ZNF644: variants seen among roughly 807,000 people sequenced by gnomAD.
ZNF644 encodes zinc finger motif enhancer binding protein 2.
Under a neutral mutation model 108.0 loss-of-function variants are expected in ZNF644, and 20 were observed. That is an observed-to-expected ratio of 0.19 (90% confidence interval 0.13 to 0.27). The LOEUF is 0.27. Ranked by LOEUF, ZNF644 falls within the 10% of genes least tolerant of loss-of-function variation. The pLI, the probability that ZNF644 is intolerant of heterozygous loss-of-function variation, is 1.00. For synonymous variants in ZNF644, 542 were observed against 539.1 expected (o/e 1.01, Z -0.08); for missense variants, 1,338 against 1,548.9 (o/e 0.86, Z 2.29).
chr1:90,918,481 C>A, intron 4 of ZNF644: 1 of 228,090 alleles, frequency 4.4e-6, no homozygotes, highest in Non-Finnish European at 8.8e-6. Context: ...TCAATTATTA[C>A]AATAATGGTA....
chr1:91,014,028 T>C (rs1157076415), intron 1 of ZNF644, among the ~76,000 whole-genome samples: 4 of 152,174 alleles, frequency 2.6e-5, no homozygotes, highest in Admixed American at 6.5e-5. Context: ...TATTTATAAA[T>C]GCCCACAAAT....
intron 1 of ZNF644, among the ~76,000 whole-genome samples, chr1:91,014,347 A>G (rs1226648014): frequency 2.0e-5 from 3 of 152,186 alleles, no homozygotes; most frequent in African/African-American, 7.2e-5. Context: ...TAAATATTAT[A>G]TTAGGAATTA....
At chr1:90,998,132 C>T (rs977565661) in intron 1 of ZNF644, among the ~76,000 whole-genome samples, 103 of 152,234 alleles carry the variant, frequency 6.8e-4, no homozygotes, top group Non-Finnish European at 2.1e-4. Flanking sequence ...AGGGCACAGC[C>T]GAACAAAAGG....
intron 1 of ZNF644, among the ~76,000 whole-genome samples, chr1:91,005,571 TAGAG>T (rs1220816688): frequency 1.3e-5 from 2 of 152,080 alleles, no homozygotes; most frequent in African/African-American, 4.8e-5. Flanking sequence ...ATAAAAATCA[TAGAG>T]AGTACGTTCT....
chr1:90,933,146 T>G (rs1650927046), intron 4 of ZNF644, among the ~76,000 whole-genome samples: 4 of 152,192 alleles, frequency 2.6e-5, no homozygotes, highest in Admixed American at 2.6e-4. Context: ...TCCTGTGTTT[T>G]GCAGAATTTT....
intron 2 of ZNF644, chr1:90,973,023 T>C (rs922230949): frequency 1.3e-5 from 2 of 152,102 alleles, no homozygotes; most frequent in Admixed American, 1.3e-4. Flanking sequence ...TGAAGATGGA[T>C]GGTGGTGATG....
At chr1:90,929,282 T>C (rs1251597526) in intron 4 of ZNF644, among the ~76,000 whole-genome samples, 1 of 152,248 alleles carries the variant, frequency 6.6e-6, no homozygotes, top group Non-Finnish European at 1.5e-5. Context: ...CATTTAGTTG[T>C]ATACTATCTT....
intron 4 of ZNF644, among the ~76,000 whole-genome samples, chr1:90,921,868 G>A (rs569028693): frequency 1.9e-4 from 29 of 151,922 alleles, no homozygotes; most frequent in Admixed American, 1.8e-3. Context: ...TGAATACGAC[G>A]ACCAATGACC....
intron 4 of ZNF644, among the ~76,000 whole-genome samples, chr1:90,928,425 C>T (rs1650330863): frequency 6.6e-6 from 1 of 151,336 alleles, no homozygotes; most frequent in African/African-American, 2.4e-5. Context: ...TCATGCAATC[C>T]TCCTGCCTCA....
chr1:90,966,924 C>T (rs537450255), intron 2 of ZNF644, among the ~76,000 whole-genome samples: 19 of 151,966 alleles, frequency 1.3e-4, no homozygotes, highest in Non-Finnish European at 2.5e-4. Flanking sequence ...TTATCATAAG[C>T]AGAAAGAGTT....
rs1656450757 is a variant in ZNF644, at chr1:90,980,627, AT to A, written c.44+1682del. Among the ~76,000 whole-genome samples the A allele has an allele frequency of 2.0e-5, 3 of 152,254 alleles. No homozygotes were observed. The South Asian group carries it at 6.2e-4, about 32-fold the overall frequency. On this transcript the variant is annotated intron_variant, in intron 2 of 5. Transcript: ENST00000337393. Reference sequence around the variant, plus strand: ...TTCATACAATGGAATATTACTAAAAATAAAACAGCAATAAAAAATAATGAAC... The same window carrying A: ...TTCATACAATGGAATATTACTAAAAAAAAACAGCAATAAAAAATAATGAAC...
chr1:90,943,256 A>G (rs1406161535), intron 2 of ZNF644, among the ~76,000 whole-genome samples: 1 of 152,050 alleles, frequency 6.6e-6, no homozygotes, highest in Non-Finnish European at 1.5e-5. Flanking sequence ...CCTGGCTAAC[A>G]TGGTGATACC....
chr1:90,962,504 T>C (rs1017728099), intron 2 of ZNF644, among the ~76,000 whole-genome samples: 1 of 152,048 alleles, frequency 6.6e-6, no homozygotes, highest in African/African-American at 2.4e-5. Context: ...CAGTTCTAGA[T>C]AGAAGGTAGA....
At chr1:90,995,968 G>A (rs1238330564) in intron 1 of ZNF644, among the ~76,000 whole-genome samples, 1 of 152,150 alleles carries the variant, frequency 6.6e-6, no homozygotes, top group East Asian at 1.9e-4. Context: ...TCTGTTGTTT[G>A]TAAGCCACCC....
At chr1:90,951,464 A>G (rs1357911805) in intron 2 of ZNF644, among the ~76,000 whole-genome samples, 1 of 152,040 alleles carries the variant, frequency 6.6e-6, no homozygotes, top group Non-Finnish European at 1.5e-5. Context: ...TATGTTCTCT[A>G]CTAGCGTAAG....
At chr1:90,986,685 A>C (rs1171175377) in intron 1 of ZNF644, among the ~76,000 whole-genome samples, 1 of 152,050 alleles carries the variant, frequency 6.6e-6, no homozygotes, top group African/African-American at 2.4e-5. Context: ...AGAGACATGA[A>C]CATATTTTAG....
intron 2 of ZNF644, among the ~76,000 whole-genome samples, chr1:90,971,522 C>A (rs1045288933): frequency 6.6e-6 from 1 of 151,944 alleles, no homozygotes; most frequent in Non-Finnish European, 1.5e-5. Flanking sequence ...AGGGTTCAAG[C>A]GATTCTCCTG....
chr1:90,927,829 ACTTCCTTCTTTC>A (rs2100839066), intron 4 of ZNF644, among the ~76,000 whole-genome samples: 1 of 133,538 alleles, frequency 7.5e-6, no homozygotes, highest in South Asian at 2.3e-4. Flanking sequence ...TCCCTCCTTC[ACTTCCTTCTTTC>A]CTTCCTTCCT....
chr1:90,997,803 G>C lies in ZNF644; in HGVS notation c.-17-15433C>G, dbSNP rs143713960. ...AATTAATTCCCTTTCCAAGCAAAGGGAAGCTGTGACAGACGGCATCTGGAA... is the reference window on the plus strand; with the variant it reads ...AATTAATTCCCTTTCCAAGCAAAGGCAAGCTGTGACAGACGGCATCTGGAA... On this transcript the variant is annotated intron_variant, in intron 1 of 5. Transcript: ENST00000337393. Among the ~76,000 whole-genome samples the C allele has an allele frequency of 5.1e-3, 783 of 152,318 alleles. 3 individuals are homozygous for C. The highest frequency in any genetic ancestry group is 8.6e-3 in the Non-Finnish European group (584 of 68,026).
Sources: gnomAD v4.1 joint callset for allele counts (sites outside exome capture counted in the v4.1 genomes callset) on GRCh38, gnomAD v4.1.1 for gene constraint, MANE v1.5 for transcripts, NCBI Gene and HGNC (gene_info 2026-07-23, HGNC 2026-07-21) for gene names.